Variants in GRK5 observed in about 807,000 individuals in gnomAD.
GRK5 encodes G protein-coupled receptor kinase 5, also known as g protein-coupled receptor kinase GRK5.
GRK5 carries 40 observed loss-of-function variants against 78.4 expected under a neutral mutation model. That is an observed-to-expected ratio of 0.51 (90% confidence interval 0.40 to 0.66). The LOEUF is 0.66. GRK5 is among the 30% of genes least tolerant of loss of function. The probability of loss-of-function intolerance (pLI) is 0.00; values close to 1 mark genes in which losing one functional copy is unlikely to be tolerated. For missense variants in GRK5, 598 were observed against 759.9 expected (o/e 0.79, Z 2.50); for synonymous variants, 289 against 296.8 (o/e 0.97, Z 0.27).
chr10:119,315,140 G>A (rs1025774146), intron 1 of GRK5, among the ~76,000 whole-genome samples: 6 of 152,194 alleles, frequency 3.9e-5, no homozygotes, highest in Non-Finnish European at 8.8e-5. Flanking sequence ...GGCCAGAGGG[G>A]TGGTGCTTTC....
Position 119,336,443 on chromosome 10 carries a change from T to G in GRK5, c.148+9832T>G, listed in dbSNP as rs1044368194. Among the ~76,000 whole-genome samples, 4 of 149,920 alleles carry G rather than the reference T, an allele frequency of 2.7e-5. No individual in the cohort carries two copies. The highest frequency in any genetic ancestry group is 3.4e-3 in the Middle Eastern group (1 of 294). Reference sequence around the variant, plus strand: ...GACACTGGCTTTATCTGTAAGATTGTTTTTTTTTTAAAAAAAGAATGAATT... The same window carrying G: ...GACACTGGCTTTATCTGTAAGATTGGTTTTTTTTTAAAAAAAGAATGAATT... On this transcript the variant is annotated intron_variant, in intron 2 of 15. Coordinates refer to ENST00000392870, the MANE Select transcript of GRK5 (RefSeq NM_005308.3). The surrounding 1 kb of genome is among the most constrained non-coding windows in gnomAD (Gnocchi z 4.5).
At chr10:119,240,493 G>A (rs1310202714) in intron 1 of GRK5, among the ~76,000 whole-genome samples, 1 of 151,964 alleles carries the variant, frequency 6.6e-6, no homozygotes, top group Non-Finnish European at 1.5e-5. Flanking sequence ...GAGCCACCAC[G>A]CCCGGCCTTC....
chr10:119,268,008 G>A (rs568149948), intron 1 of GRK5, among the ~76,000 whole-genome samples: 5 of 152,288 alleles, frequency 3.3e-5, no homozygotes, highest in Admixed American at 1.3e-4. Flanking sequence ...TTCCCAGTGA[G>A]CATCCTCTCT....
At chr10:119,270,321 C>G (rs995457253) in intron 1 of GRK5, among the ~76,000 whole-genome samples, 1 of 152,230 alleles carries the variant, frequency 6.6e-6, no homozygotes, top group African/African-American at 2.4e-5. Context: ...TGAAAATACT[C>G]AGAAATAAAA....
intron 1 of GRK5, among the ~76,000 whole-genome samples, chr10:119,320,416 C>T (rs911627252): frequency 3.3e-5 from 5 of 152,066 alleles, no homozygotes; most frequent in African/African-American, 9.7e-5. Context: ...TCACTTGGCA[C>T]GTAGAGGTTG....
chr10:119,297,780 C>T (rs1038360736), intron 1 of GRK5, among the ~76,000 whole-genome samples: 1 of 152,194 alleles, frequency 6.6e-6, no homozygotes, highest in African/African-American at 2.4e-5. Context: ...GACTTCCCAG[C>T]CTCCAGAACC....
At position 119,414,375 on chromosome 10, in the gene GRK5, G is replaced by A. The variant is rs6585548; in HGVS notation, c.340-8791G>A. ...GAAGTGAAGCATATGTTGGACGTTA[G>A]CGTGTGTGTGTGTGTGAGAGAGAGA... is the stretch of plus-strand genomic sequence containing the variant. On this transcript the variant is annotated intron_variant, in intron 4 of 15. Transcript: ENST00000392870. 1.0e-3 allele frequency among the ~76,000 whole-genome samples: 152 copies of A among 152,234 alleles called. 1 individual carries two copies. The highest frequency in any genetic ancestry group is 3.4e-3 in the African/African-American group (141 of 41,468).
chr10:119,451,418 T>G (rs895386135), intron 13 of GRK5, among the ~76,000 whole-genome samples: 1 of 152,096 alleles, frequency 6.6e-6, no homozygotes, highest in Admixed American at 6.6e-5. Flanking sequence ...TTCGTGAGCT[T>G]GACCTGGCAC....
intron 1 of GRK5, among the ~76,000 whole-genome samples, chr10:119,239,119 TAAATG>T (rs943196384): frequency 3.3e-5 from 5 of 152,006 alleles, no homozygotes; most frequent in African/African-American, 4.8e-5. Flanking sequence ...TATAATAAAA[TAAATG>T]AAATAAATAA....
chr10:119,453,260 G>A lies in GRK5; in HGVS notation c.1658G>A (p.Arg553Lys), dbSNP rs1853330816. The A allele has an allele frequency of 6.2e-7, 1 of 1,613,948 alleles. No individual in the cohort carries two copies. Among genetic ancestry groups the A allele is most frequent in the African/African-American group, 1.3e-5 (1 of 74,922 alleles). The change falls in exon 15 of 16, where the codon AGA becomes AAA. Residue 553 changes from arginine to lysine, a missense_variant. Physicochemically the swap from Arg to Lys is conservative, Grantham distance 26. Transcript: ENST00000392870. Reference protein sequence around the residue: ...PEPPKKGLLQRLFKRQHQNNS... With the variant: ...PEPPKKGLLQKLFKRQHQNNS... Reference sequence around the variant, plus strand: ...CCGCCCAAGAAAGGGCTGCTCCAGAGACTCTTCAAGCGGCAGGTGAGACAC... The same window carrying A: ...CCGCCCAAGAAAGGGCTGCTCCAGAAACTCTTCAAGCGGCAGGTGAGACAC...
rs1379246385 is a variant in GRK5 at position 119,459,403 on chromosome 10, C to G, written c.*4336C>G. ...TCTCCCTGGCAGAGAAAGACACTTCCCCCCCAAAGTGGAATTTAGATGTCT... is the reference window on the plus strand; with the variant it reads ...TCTCCCTGGCAGAGAAAGACACTTCGCCCCCAAAGTGGAATTTAGATGTCT... On this transcript the variant is annotated 3_prime_UTR_variant, in exon 16 of 16. Coordinates refer to ENST00000392870, the MANE Select transcript of GRK5 (RefSeq NM_005308.3). The G allele has an allele frequency of 8.1e-6, 1 of 122,876 alleles. No homozygotes were observed. The allele number at this position is 122,876 out of a possible 1,614,324, so 7.6% of individuals were successfully genotyped here. A position where few individuals can be genotyped will look rare whatever the true frequency, so the allele number is the denominator to read the frequency against.
intron 4 of GRK5, among the ~76,000 whole-genome samples, chr10:119,400,464 C>T (rs543288449): frequency 2.6e-4 from 39 of 152,240 alleles, no homozygotes; most frequent in Non-Finnish European, 4.7e-4. Context: ...GCATCTGATG[C>T]GTAGAGGCCA....
chr10:119,274,774 C>T (rs752923162), intron 1 of GRK5, among the ~76,000 whole-genome samples: 4 of 152,188 alleles, frequency 2.6e-5, no homozygotes, highest in Non-Finnish European at 5.9e-5. Context: ...AGAGAGCTGG[C>T]GCCCTCTGGG....
At chr10:119,291,046 G>C (rs542943326) in intron 1 of GRK5, among the ~76,000 whole-genome samples, 11 of 152,302 alleles carry the variant, frequency 7.2e-5, no homozygotes, top group African/African-American at 2.6e-4. Flanking sequence ...AGAGGGGCAA[G>C]ACTTCTGCAA....
chr10:119,417,816 C>T (rs988864348), intron 4 of GRK5, among the ~76,000 whole-genome samples: 2 of 152,116 alleles, frequency 1.3e-5, no homozygotes, highest in Non-Finnish European at 2.9e-5. Flanking sequence ...TCATCCGTTT[C>T]GGTGGGGGGT....
At chr10:119,293,343 C>T (rs950951397) in intron 1 of GRK5, among the ~76,000 whole-genome samples, 10 of 152,138 alleles carry the variant, frequency 6.6e-5, no homozygotes, top group African/African-American at 2.4e-4. Context: ...TTTTCTCTGG[C>T]GACGCCCAGT....
rs1186216333 is a variant in GRK5 at position 119,455,838 on chromosome 10, C to G, written c.*771C>G. ...AGGGGCACGCCGAGCCACTGTCGCA[C>G]CCACCTCTGTCTGCTCTTCCTTCAG... On this transcript the variant is annotated 3_prime_UTR_variant, in exon 16 of 16. Coordinates refer to ENST00000392870, the MANE Select transcript of GRK5 (RefSeq NM_005308.3). 1 of 156,598 alleles carries G rather than the reference C, an allele frequency of 6.4e-6. No individual in the cohort carries two copies. Among genetic ancestry groups the G allele is most frequent in the Non-Finnish European group, 1.4e-5 (1 of 71,490 alleles). The allele number at this position is 156,598 out of a possible 1,614,324, so 9.7% of individuals were successfully genotyped here. A position where few individuals can be genotyped will look rare whatever the true frequency, so the allele number is the denominator to read the frequency against.
chr10:119,223,090 G>A (rs1848682546), intron 1 of GRK5, among the ~76,000 whole-genome samples: 1 of 152,240 alleles, frequency 6.6e-6, no homozygotes, highest in Non-Finnish European at 1.5e-5. Context: ...TTGAAATCAA[G>A]GTGTGTGCAG....
intron 4 of GRK5, among the ~76,000 whole-genome samples, chr10:119,408,257 C>G (rs1486675355): frequency 1.4e-5 from 2 of 147,010 alleles, no homozygotes; most frequent in Non-Finnish European, 3.0e-5. Context: ...GGAGAATCAC[C>G]TGAGCTCTGG....
Sources: allele counts gnomAD v4.1 joint callset (sites outside exome capture counted in the v4.1 genomes callset), GRCh38; gene constraint gnomAD v4.1.1; non-coding constraint Gnocchi (gnomAD v3.1); transcripts MANE v1.5; gene names NCBI Gene and HGNC (gene_info 2026-07-23, HGNC 2026-07-21).